Variants in SGCD observed in about 807,000 individuals in gnomAD.
SGCD encodes the protein sarcoglycan delta.
A neutral mutation model predicts 36.6 loss-of-function variants in SGCD; 18 were observed. The observed-to-expected ratio is 0.49, with a 90% CI of 0.34 to 0.73. The LOEUF (loss-of-function observed/expected upper bound fraction) is 0.73, where lower values mean the gene tolerates loss of function less well. Among genes scored for constraint, SGCD ranks in the 30% least tolerant of loss-of-function variants. The pLI is 0.01. For missense variants in SGCD, 387 were observed against 346.7 expected (o/e 1.12, Z -0.92); for synonymous variants, 133 against 130.6 (o/e 1.02, Z -0.12).
intron 6 of SGCD, among the ~76,000 whole-genome samples, chr5:156,624,397 C>T (rs1345849183): frequency 6.6e-6 from 1 of 152,066 alleles, no homozygotes. Flanking sequence ...CTGACTAACA[C>T]GGTGAAAACT....
At chr5:156,347,113 T>C (rs544601527) in intron 3 of SGCD, among the ~76,000 whole-genome samples, 1 of 152,164 alleles carries the variant, frequency 6.6e-6, no homozygotes, top group East Asian at 1.9e-4. Flanking sequence ...TTACTTTCTT[T>C]AAAGACAAGC....
chr5:156,302,762 T>G (rs906738231), intron 3 of SGCD, among the ~76,000 whole-genome samples: 4 of 152,184 alleles, frequency 2.6e-5, no homozygotes, highest in Non-Finnish European at 4.4e-5. Flanking sequence ...TGGGTTATAT[T>G]TGGGAGAATT....
At chr5:156,115,895 A>G (rs1463482214) in intron 1 of SGCD, among the ~76,000 whole-genome samples, 2 of 152,096 alleles carry the variant, frequency 1.3e-5, no homozygotes, top group South Asian at 2.1e-4. Context: ...AACTTGATGT[A>G]ATTTAGGTTG....
chr5:155,961,236 A>G (rs1020439501), intron 1 of SGCD, among the ~76,000 whole-genome samples: 8 of 151,198 alleles, frequency 5.3e-5, no homozygotes, highest in Non-Finnish European at 1.2e-4. Context: ...AAATAAATAT[A>G]CTCTTCTCTA....
the SGCD span, among the ~76,000 whole-genome samples, chr5:155,827,687 T>C: frequency 7.2e-6 from 1 of 139,152 alleles, no homozygotes; most frequent in Admixed American, 7.2e-5. Context: ...TTTTTTTTTT[T>C]TTTTTTTTGA....
At chr5:156,196,456 C>T (rs1008362864) in intron 3 of SGCD, among the ~76,000 whole-genome samples, 15 of 152,138 alleles carry the variant, frequency 9.9e-5, no homozygotes, top group East Asian at 3.8e-4. Flanking sequence ...TAGTCAGTAT[C>T]ACAATCTTTG....
rs564600106 is a variant in SGCD at position 156,730,501 on chromosome 5, TTTG to T, written c.576-27077_576-27075del. ...TGGTTTTCTGTTTTGTGTTTGTTAG[TTTG>T]TTAAGGATAATGACCTCCAGCTCCA... On this transcript the variant is annotated intron_variant, in intron 7 of 8. Transcript: ENST00000337851. 1.6e-4 allele frequency among the ~76,000 whole-genome samples: 24 copies of T among 152,286 alleles called. No homozygotes were observed. In the East Asian group the frequency reaches 4.6e-3, roughly 29 times the overall value.
intron 7 of SGCD, among the ~76,000 whole-genome samples, chr5:156,665,086 T>C (rs943618973): frequency 1.3e-5 from 2 of 151,840 alleles, no homozygotes; most frequent in African/African-American, 4.9e-5. Flanking sequence ...CATTCCTGGA[T>C]ATCCATACTG....
intron 7 of SGCD, among the ~76,000 whole-genome samples, chr5:156,680,967 G>A (rs1164549068): frequency 1.3e-5 from 2 of 152,134 alleles, no homozygotes; most frequent in African/African-American, 4.8e-5. Context: ...GCAGGAACCA[G>A]AGTGAAGGAA....
chr5:156,573,588 G>A (rs1759807543), intron 4 of SGCD, among the ~76,000 whole-genome samples: 3 of 152,134 alleles, frequency 2.0e-5, no homozygotes, highest in Admixed American at 2.0e-4. Context: ...ATTGACTATG[G>A]AACCGTCAGA....
intron 3 of SGCD, among the ~76,000 whole-genome samples, chr5:156,167,805 C>T (rs537188210): frequency 7.2e-5 from 11 of 152,318 alleles, no homozygotes; most frequent in African/African-American, 2.6e-4. Flanking sequence ...CATGCTTGTA[C>T]AGCCTGTAGA....
At chr5:155,862,511 T>C in the SGCD span, among the ~76,000 whole-genome samples, 5 of 152,118 alleles carry the variant, frequency 3.3e-5, no homozygotes, top group African/African-American at 1.2e-4. Flanking sequence ...TTTTATTTTA[T>C]TTTTTTGTAG....
At chr5:156,546,441 T>C (rs997366118) in intron 4 of SGCD, among the ~76,000 whole-genome samples, 1 of 152,224 alleles carries the variant, frequency 6.6e-6, no homozygotes, top group Non-Finnish European at 1.5e-5. Flanking sequence ...AGCAAGTATT[T>C]TGAACACCAA....
At chr5:156,152,486 T>G (rs1447813606) in intron 3 of SGCD, among the ~76,000 whole-genome samples, 1 of 151,650 alleles carries the variant, frequency 6.6e-6, no homozygotes, top group Admixed American at 6.6e-5. Flanking sequence ...AAGTTCAAAT[T>G]GAGACGTGCT....
chr5:156,006,915 C>T (rs564421312), intron 1 of SGCD, among the ~76,000 whole-genome samples: 2 of 152,222 alleles, frequency 1.3e-5, no homozygotes, highest in South Asian at 4.2e-4. Flanking sequence ...CCAAAGAAGT[C>T]CTTCCTTCTC....
At chr5:155,801,802 T>C in the SGCD span, among the ~76,000 whole-genome samples, 3 of 152,238 alleles carry the variant, frequency 2.0e-5, no homozygotes, top group Admixed American at 2.0e-4. Context: ...TTGATTCAAG[T>C]ACTGACTCAC....
chr5:156,450,158 C>T (rs1253265559), intron 3 of SGCD, among the ~76,000 whole-genome samples: 1 of 152,122 alleles, frequency 6.6e-6, no homozygotes, highest in African/African-American at 2.4e-5. Context: ...TTACTCCTCT[C>T]AGAAAGCTTC....
At chr5:156,042,726 A>G (rs189821999) in intron 1 of SGCD, among the ~76,000 whole-genome samples, 1 of 152,192 alleles carries the variant, frequency 6.6e-6, no homozygotes, top group Non-Finnish European at 1.5e-5. Context: ...GGGAGCCATC[A>G]GTTGTCAGAT....
the SGCD span, among the ~76,000 whole-genome samples, chr5:155,739,365 G>A: frequency 6.6e-6 from 1 of 152,212 alleles, no homozygotes; most frequent in African/African-American, 2.4e-5. Flanking sequence ...TTGAGAACCA[G>A]CGTGGAAGCC....
Sources: allele counts gnomAD v4.1 joint callset (sites outside exome capture counted in the v4.1 genomes callset), GRCh38; gene constraint gnomAD v4.1.1; transcripts MANE v1.5; gene names NCBI Gene and HGNC (gene_info 2026-07-23, HGNC 2026-07-21).